PIGR: variants seen among roughly 807,000 people sequenced by gnomAD.
The protein encoded by PIGR is polymeric immunoglobulin receptor, also known as hepatocellular carcinoma associated protein TB6.
Under a neutral mutation model 69.5 loss-of-function variants are expected in PIGR, and 22 were observed. The ratio of observed to expected loss-of-function variants is 0.32; its 90% CI spans 0.23 to 0.45. PIGR has a LOEUF of 0.45. Ranked by LOEUF, PIGR falls within the 20% of genes least tolerant of loss-of-function variation. PIGR has a pLI of 1.00. For missense variants in PIGR, 885 were observed against 974.0 expected (o/e 0.91, Z 1.22); for synonymous variants, 413 against 407.6 (o/e 1.01, Z -0.16).
chr1:206,940,371 A>G (rs534345321), intron 2 of PIGR, 118 bp downstream of exon 2: 2 of 954,176 alleles, frequency 2.1e-6, no homozygotes, highest in African/African-American at 3.3e-5. Flanking sequence ...GGAAGTGCCA[A>G]CTTTGAGAGG....
intron 2 of PIGR, among the ~76,000 whole-genome samples, chr1:206,939,971 T>C (rs1023603539): frequency 2.6e-5 from 4 of 152,190 alleles, no homozygotes; most frequent in African/African-American, 9.7e-5. Context: ...CCACCCTCCT[T>C]GGCCTCCCAA....
In PIGR at chr1:206,941,516, T is replaced by C. The variant is rs183786414; in HGVS notation, c.-53-932A>G. ...GACGGGTATAATCACAACCATTTTA[T>C]GGATAAAACATTGAGGTCTTGAGAT... On this transcript the variant is annotated intron_variant, in intron 1 of 10. Transcript: ENST00000356495. Among the ~76,000 whole-genome samples the C allele has an allele frequency of 3.6e-3, 543 of 152,358 alleles. 1 individual carries two copies. Among genetic ancestry groups the C allele is most frequent in the Non-Finnish European group, 6.5e-3 (443 of 68,028 alleles).
In PIGR at chr1:206,939,355, G is replaced by T; in HGVS notation, c.152C>A (p.Thr51Asn). ...YYPPTSVNRH[T>N]RKYWCRQGAR... ...TCCCTGCCGGCACCAGTACTTCCGG[G>T]TGTGCCGGTTGACAGAGGTGGGTGG... Residue 51 changes from threonine to asparagine, a missense_variant, in exon 3 of 11, where the codon ACC (threonine) becomes AAC (asparagine). Transcript: ENST00000356495. 1.9e-6 allele frequency: 3 copies of T among 1,614,238 alleles called. No homozygotes were observed. The highest frequency in any genetic ancestry group is 2.5e-6 in the Non-Finnish European group (3 of 1,180,028).
chr1:206,940,643 C>G, intron 1 of PIGR, 59 bp from the exon 2 acceptor site: 3 of 1,069,688 alleles, frequency 2.8e-6, no homozygotes, highest in Non-Finnish European at 3.9e-6. Context: ...ACTAGTTGAC[C>G]TTAGAGTTTC....
At chr1:206,938,506 A>G (rs915701572) in intron 3 of PIGR, among the ~76,000 whole-genome samples, 1 of 152,170 alleles carries the variant, frequency 6.6e-6, no homozygotes, top group African/African-American at 2.4e-5. Flanking sequence ...GCCCTTGACT[A>G]TCTAAAACAG....
At chr1:206,931,924 C>G in intron 8 of PIGR, 122 bp from the exon 9 acceptor site, 1 of 1,038,858 alleles carries the variant, frequency 9.6e-7, no homozygotes, top group Non-Finnish European at 1.5e-6. Context: ...TGGTGCAGCT[C>G]TGACTATGAC....
chr1:206,934,793 G>C (rs1387171783), intron 5 of PIGR, 47 bp from the exon 6 acceptor site: 1 of 1,395,336 alleles, frequency 7.2e-7, no homozygotes, highest in African/African-American at 1.4e-5. Context: ...TTGGTACTTG[G>C]AGATGCTGCA....
In PIGR at chr1:206,930,606, C is replaced by T; in HGVS notation, c.2200-193G>A. The T allele has an allele frequency of 1.0e-6, 1 of 985,358 alleles. No individual in the cohort carries two copies. Among genetic ancestry groups the T allele is most frequent in the Non-Finnish European group, 1.2e-6 (1 of 829,904 alleles). The allele number at this position is 985,358 out of a possible 1,614,324, so 61.0% of individuals were successfully genotyped here. A position where few individuals can be genotyped will look rare whatever the true frequency, so the allele number is the denominator to read the frequency against. ...ATTTTGAGAAATGGAAAGTTGCAGC[C>T]TCTAAAAATATCTTCTTCTGTCTCA... On this transcript the variant is annotated intron_variant, in intron 10 of 10. Transcript: ENST00000356495. The surrounding 1 kb of genome is among the most constrained non-coding windows in gnomAD (Gnocchi z 4.3).
Position 206,940,566 on chromosome 1 carries a change from C to T in PIGR, c.-35G>A, listed in dbSNP as rs368223777. 10 of 1,543,682 alleles carry T rather than the reference C, an allele frequency of 6.5e-6. No individual in the cohort carries two copies. The African/African-American group carries it at 9.6e-5, about 15-fold the overall frequency. On this transcript the variant is annotated 5_prime_UTR_variant, in exon 2 of 11. Coordinates refer to ENST00000356495, the MANE Select transcript of PIGR (RefSeq NM_002644.4). ...GTCCCGAGCGCCGCACCACTCAGGCCGACTTCTCCTGTGCAATGCTGAAAA... is the reference window on the plus strand; with the variant it reads ...GTCCCGAGCGCCGCACCACTCAGGCTGACTTCTCCTGTGCAATGCTGAAAA...
In PIGR at chr1:206,934,763, G is replaced by A; in HGVS notation, c.1379-17C>T. On this transcript the variant is annotated splice_polypyrimidine_tract_variant and intron_variant, in intron 5 of 10. Transcript: ENST00000356495. ...TTGGTTCTCCTGGAGGAGGGAGGGA[G>A]GTAGAAATAAACACAGAAGTTGGTA... 1 of 1,586,888 alleles carries A rather than the reference G, an allele frequency of 6.3e-7. No homozygotes were observed. Among genetic ancestry groups the A allele is most frequent in the Non-Finnish European group, 8.6e-7 (1 of 1,168,596 alleles).
At chr1:206,936,336 A>C (rs1679862352) in intron 4 of PIGR, among the ~76,000 whole-genome samples, 1 of 152,224 alleles carries the variant, frequency 6.6e-6, no homozygotes, top group Non-Finnish European at 1.5e-5. Flanking sequence ...CAGGCAGCTA[A>C]AGCTGAGATC....
At chr1:206,939,515 G>C (rs776683764) in intron 2 of PIGR, 52 bp from the exon 3 acceptor site, 3 of 1,323,724 alleles carry the variant, frequency 2.3e-6, no homozygotes, top group Non-Finnish European at 3.2e-6. Flanking sequence ...GGTAAAGCCT[G>C]TTCCAGATAA....
intron 6 of PIGR, 57 bp from the exon 7 acceptor site, chr1:206,933,223 G>T: frequency 1.9e-6 from 3 of 1,546,042 alleles, no homozygotes; most frequent in Non-Finnish European, 2.7e-6. Context: ...CTTACTCCTC[G>T]AGGTGAAGGA....
chr1:206,944,684 C>A (rs910879108), intron 1 of PIGR, among the ~76,000 whole-genome samples: 7 of 152,202 alleles, frequency 4.6e-5, no homozygotes, highest in Admixed American at 4.6e-4. Flanking sequence ...CATTGGGACT[C>A]CAGCCCCAGC....
Position 206,930,928 on chromosome 1 carries a change from G to C in PIGR, c.2200-515C>G. The C allele has an allele frequency of 1.0e-6, 1 of 985,380 alleles. No homozygotes were observed. Among genetic ancestry groups the C allele is most frequent in the Non-Finnish European group, 1.2e-6 (1 of 829,910 alleles). 61.0% of individuals were successfully genotyped at this position (985,380 alleles called of 1,614,324 possible). On this transcript the variant is annotated intron_variant, in intron 10 of 10. Transcript: ENST00000356495. The surrounding 1 kb of genome is among the most constrained non-coding windows in gnomAD (Gnocchi z 4.3). ...AAAAACTCTCACCTCGGGATTAAAG[G>C]CATGAGATGTTATTTTTCTTGGTCC...
chr1:206,931,005 G>T, intron 10 of PIGR: 2 of 985,414 alleles, frequency 2.0e-6, no homozygotes, highest in Non-Finnish European at 2.4e-6. Context: ...CAAGGCAGGA[G>T]TTGCCTCTGG....
chr1:206,936,997 G>T, intron 4 of PIGR, 98 bp downstream of exon 4: 1 of 1,162,850 alleles, frequency 8.6e-7, no homozygotes, highest in Non-Finnish European at 1.2e-6. Flanking sequence ...GCTGTTGGCT[G>T]ATTGATGACT....
intron 10 of PIGR, 40 bp downstream of exon 10, chr1:206,931,457 T>C: frequency 1.2e-6 from 2 of 1,614,050 alleles, no homozygotes; most frequent in South Asian, 1.1e-5. Flanking sequence ...TCATGCTGCA[T>C]TTCTTTGTCA....
intron 4 of PIGR, among the ~76,000 whole-genome samples, chr1:206,936,053 G>A (rs1262920867): frequency 6.6e-6 from 1 of 152,178 alleles, no homozygotes; most frequent in East Asian, 1.9e-4. Context: ...TGCACATGTT[G>A]TTCTTTTCCC....
Sources: gnomAD v4.1 joint callset for allele counts (sites outside exome capture counted in the v4.1 genomes callset) on GRCh38, gnomAD v4.1.1 for gene constraint, Gnocchi (gnomAD v3.1) non-coding constraint, MANE v1.5 for transcripts, NCBI Gene and HGNC (gene_info 2026-07-23, HGNC 2026-07-21) for gene names.